The following QPCT variants were observed in gnomAD, a reference collection of about 807,000 sequenced individuals.
QPCT encodes glutaminyl-peptide cyclotransferase.
A neutral mutation model predicts 43.4 loss-of-function variants in QPCT; 44 were observed. The observed-to-expected ratio is 1.01, with a 90% CI of 0.80 to 1.30. QPCT has a LOEUF of 1.30. QPCT is among the 50% of genes most tolerant of loss of function. The pLI, the probability that QPCT is intolerant of heterozygous loss-of-function variation, is 0.00. For missense variants in QPCT, 526 were observed against 436.5 expected, an observed-to-expected ratio of 1.21 and a Z score of -1.83; for synonymous variants, 168 against 168.4, an observed-to-expected ratio of 1.00 and a Z score of 0.02.
chr2:37,349,999 A>G (rs1008871869), intron 1 of QPCT, among the ~76,000 whole-genome samples: 6 of 152,158 alleles, frequency 3.9e-5, no homozygotes, highest in African/African-American at 1.2e-4. Flanking sequence ...GAGGTAAACA[A>G]CAGAGAGAGA....
intron 2 of QPCT, among the ~76,000 whole-genome samples, chr2:37,359,264 A>T (rs895130106): frequency 6.6e-6 from 1 of 152,216 alleles, no homozygotes; most frequent in African/African-American, 2.4e-5. Context: ...GGTTTGCATA[A>T]GCAAGGAGAA....
chr2:37,372,833 T>G lies in QPCT; in HGVS notation c.*6T>G. On this transcript the variant is annotated 3_prime_UTR_variant, in exon 7 of 7. Transcript: ENST00000338415. The stretch of plus-strand genomic sequence containing the variant: ...TGGAATATCTTCATTTGTAATACTC[T>G]GATTTAGTTTAGGATAATTGGTTCT... 6.3e-7 allele frequency: 1 copy of G among 1,596,490 alleles called. No homozygotes were observed. The highest frequency in any genetic ancestry group is 8.5e-7 in the Non-Finnish European group (1 of 1,170,262).
chr2:37,363,086 A>G (rs536475213), intron 3 of QPCT, among the ~76,000 whole-genome samples: 1 of 152,356 alleles, frequency 6.6e-6, no homozygotes, highest in Admixed American at 6.5e-5. Flanking sequence ...TTTCTCTCCC[A>G]TCTTCAGCAC....
At position 37,360,128 on chromosome 2, in the gene QPCT, A is replaced by G. The variant is rs1168695741; in HGVS notation, c.546+270A>G. The stretch of plus-strand genomic sequence containing the variant: ...ATTAAATGCAACATTTCTTTGTGAA[A>G]AATGAAGGAGGAAGTTTGTTTCAGG... On this transcript the variant is annotated intron_variant, in intron 3 of 6. Coordinates refer to ENST00000338415, the MANE Select transcript of QPCT (RefSeq NM_012413.4). 3 of 423,752 alleles carry G rather than the reference A, an allele frequency of 7.1e-6. No individual in the cohort carries two copies. In the East Asian group the frequency reaches 1.4e-4, roughly 20 times the overall value. The allele number at this position is 423,752 out of a possible 1,614,324, so 26.2% of individuals were successfully genotyped here.
Position 37,359,633 on chromosome 2 carries a change from C to T in QPCT, c.321C>T (p.Asp107=). The T allele has an allele frequency of 3.1e-6, 5 of 1,614,142 alleles. No homozygotes were observed. Among genetic ancestry groups the T allele is most frequent in the Non-Finnish European group, 4.2e-6 (5 of 1,180,008 alleles). The change falls in exon 3 of 7, where the codon GAC becomes GAT. Residue 107 remains aspartate, a synonymous_variant. Coordinates refer to ENST00000338415, the MANE Select transcript of QPCT (RefSeq NM_012413.4). The part of the protein sequence containing the change: ...RLQADWVLEI[D]TFLSQTPYGY... ...AGGCTGACTGGGTCTTGGAAATAGACACCTTCTTGAGTCAGACACCCTATG... is the reference window on the plus strand; with the variant it reads ...AGGCTGACTGGGTCTTGGAAATAGATACCTTCTTGAGTCAGACACCCTATG...
At chr2:37,352,161 A>G (rs1405116482) in intron 1 of QPCT, among the ~76,000 whole-genome samples, 1 of 152,238 alleles carries the variant, frequency 6.6e-6, no homozygotes, top group Non-Finnish European at 1.5e-5. Context: ...TCAAAAAATT[A>G]CCATTTCAAC....
rs566118581 is a variant in QPCT at position 37,351,804 on chromosome 2, C to T, written c.121-985C>T. Among the ~76,000 whole-genome samples the T allele has an allele frequency of 3.9e-5, 6 of 152,252 alleles. No homozygotes were observed. The East Asian group carries it at 1.2e-3, about 29-fold the overall frequency. On this transcript the variant is annotated intron_variant, in intron 1 of 6. Coordinates refer to ENST00000338415, the MANE Select transcript of QPCT (RefSeq NM_012413.4). ...GGCTGAGACAGGAGAATTGCTTGAA[C>T]CCGGGAGGCAGAGGTTGCAGTGAGC...
chr2:37,361,794 A>G (rs943511773), intron 3 of QPCT, among the ~76,000 whole-genome samples: 2 of 152,200 alleles, frequency 1.3e-5, no homozygotes, highest in African/African-American at 4.8e-5. Context: ...TATTATTGCA[A>G]CATTAGCTAA....
At chr2:37,352,388 A>T (rs566155192) in intron 1 of QPCT, among the ~76,000 whole-genome samples, 4 of 152,312 alleles carry the variant, frequency 2.6e-5, no homozygotes, top group Non-Finnish European at 5.9e-5. Context: ...AGGGCTCAGT[A>T]ACACAGCTCA....
chr2:37,348,038 A>C lies in QPCT; in HGVS notation c.120+3187A>C, dbSNP rs11124580. 1.8e-3 allele frequency among the ~76,000 whole-genome samples: 272 copies of C among 150,636 alleles called. 1 individual carries two copies. The highest frequency in any genetic ancestry group is 6.3e-3 in the African/African-American group (256 of 40,928). ...TAACCATTTTGGTGTTTTTATTTCT[A>C]TCTCTCTCTCTCTGCGCGCGCACGC... On this transcript the variant is annotated intron_variant, in intron 1 of 6. Coordinates refer to ENST00000338415, the MANE Select transcript of QPCT (RefSeq NM_012413.4).
intron 3 of QPCT, among the ~76,000 whole-genome samples, chr2:37,364,755 T>C (rs1191124221): frequency 6.6e-6 from 1 of 152,164 alleles, no homozygotes; most frequent in Non-Finnish European, 1.5e-5. Context: ...AGATGAGTTT[T>C]GACACTTTGT....
At chr2:37,355,099 A>T (rs1475913927) in intron 2 of QPCT, among the ~76,000 whole-genome samples, 1 of 152,228 alleles carries the variant, frequency 6.6e-6, no homozygotes, top group Non-Finnish European at 1.5e-5. Context: ...CAAATGAGAT[A>T]TTTATGGACA....
At chr2:37,345,562 G>C (rs1265303315) in intron 1 of QPCT, among the ~76,000 whole-genome samples, 2 of 152,146 alleles carry the variant, frequency 1.3e-5, no homozygotes, top group Non-Finnish European at 2.9e-5. Context: ...TCGGCCGGGC[G>C]GGGTGGCTCA....
chr2:37,364,447 C>T (rs1195004312), intron 3 of QPCT, among the ~76,000 whole-genome samples: 4 of 152,190 alleles, frequency 2.6e-5, no homozygotes, highest in Non-Finnish European at 5.9e-5. Context: ...AAAAACAAAA[C>T]CAGACAGACA....
chr2:37,344,892 G>T (rs1451788861), intron 1 of QPCT, 41 bp downstream of exon 1: 10 of 1,510,156 alleles, frequency 6.6e-6, no homozygotes, highest in Non-Finnish European at 8.8e-6. Context: ...GAGCGGCTCT[G>T]GTCCGATGCG....
chr2:37,361,466 G>A (rs80341554), intron 3 of QPCT, among the ~76,000 whole-genome samples: 1 of 152,166 alleles, frequency 6.6e-6, no homozygotes, highest in African/African-American at 2.4e-5. Flanking sequence ...TTCATTATTT[G>A]ACTTGCCTTA....
intron 3 of QPCT, among the ~76,000 whole-genome samples, chr2:37,364,566 T>C (rs1572735933): frequency 6.6e-6 from 1 of 152,164 alleles, no homozygotes; most frequent in Admixed American, 6.5e-5. Flanking sequence ...TGGTGAGGAA[T>C]GGTGGGAAAC....
chr2:37,356,219 G>T (rs1044465538), intron 2 of QPCT, among the ~76,000 whole-genome samples: 1 of 152,170 alleles, frequency 6.6e-6, no homozygotes, highest in African/African-American at 2.4e-5. Context: ...TTTGGAAGTA[G>T]ACTATCTTGT....
At position 37,358,891 on chromosome 2, in the gene QPCT, G is replaced by C. The variant is rs568819699; in HGVS notation, c.268-689G>C. ...GCTTTCTACGTTATCCTTAGCAGGTGAGCATCTGTATCTTTTATTAGTGTT... is the reference window on the plus strand; with the variant it reads ...GCTTTCTACGTTATCCTTAGCAGGTCAGCATCTGTATCTTTTATTAGTGTT... On this transcript the variant is annotated intron_variant, in intron 2 of 6. Transcript: ENST00000338415. 3.3e-5 allele frequency: 5 copies of C among 152,386 alleles called. No homozygotes were observed. In the East Asian group the frequency reaches 9.6e-4, roughly 29 times the overall value. 9.4% of individuals were successfully genotyped at this position (152,386 alleles called of 1,614,324 possible). A position where few individuals can be genotyped will look rare whatever the true frequency, so the allele number is the denominator to read the frequency against.
Sources: gnomAD v4.1 joint callset for allele counts (sites outside exome capture counted in the v4.1 genomes callset) on GRCh38, gnomAD v4.1.1 for gene constraint, MANE v1.5 for transcripts, NCBI Gene and HGNC (gene_info 2026-07-23, HGNC 2026-07-21) for gene names.